The following LSM2 variants were observed in gnomAD, a reference collection of about 807,000 sequenced individuals.
LSM2 encodes U6 snRNA-associated Sm-like protein LSm2.
A neutral mutation model predicts 17.0 loss-of-function variants in LSM2; 12 were observed. The observed-to-expected ratio is 0.70, with a 90% CI of 0.45 to 1.14. LSM2 has a LOEUF of 1.14. Ranked by LOEUF, LSM2 falls within the 50% of genes most tolerant of loss-of-function variation. The probability of loss-of-function intolerance (pLI) is 0.00; values close to 1 mark genes in which losing one functional copy is unlikely to be tolerated. For missense variants in LSM2, 62 were observed against 111.8 expected, an observed-to-expected ratio of 0.55 and a Z score of 2.01; for synonymous variants, 42 against 44.5, an observed-to-expected ratio of 0.94 and a Z score of 0.22.
intron 2 of LSM2, among the ~76,000 whole-genome samples, chr6:31,803,198 TCAAC>T (rs1814819058): frequency 6.6e-6 from 1 of 152,140 alleles, no homozygotes. Context: ...CCCTGCCCTG[TCAAC>T]GTGTAACCCA....
Position 31,806,083 on chromosome 6 carries a change from A to G in LSM2, c.63T>C (p.Asn21=), listed in dbSNP as rs762260981. 3 of 1,612,934 alleles carry G rather than the reference A, an allele frequency of 1.9e-6. No homozygotes were observed. Among genetic ancestry groups the G allele is most frequent in the Non-Finnish European group, 2.5e-6 (3 of 1,179,896 alleles). ...TTGGAACAGGTACCTACCTCAGGTC[A>G]TTCTTTAGTTCCACGACCACATCCT... ...VGKDVVVELK[N]DLSICGTLHS... Residue 21 remains asparagine (N), a synonymous_variant, in exon 2 of 5, where the codon AAT becomes AAC. Transcript: ENST00000375661.
rs754562494 is a variant in LSM2, at chr6:31,806,787, C to T, written c.-30G>A. ...CTGGCGCCGCGGGCAGCGGGCCGGACCGGGAAGACAGCAGGGTGCTGCGAG... is the reference window on the plus strand; with the variant it reads ...CTGGCGCCGCGGGCAGCGGGCCGGATCGGGAAGACAGCAGGGTGCTGCGAG... On this transcript the variant is annotated 5_prime_UTR_variant, in exon 1 of 5. Coordinates refer to ENST00000375661, the MANE Select transcript of LSM2 (RefSeq NM_021177.5). 1.6e-5 allele frequency: 25 copies of T among 1,607,622 alleles called. No homozygotes were observed. Among genetic ancestry groups the T allele is most frequent in the Non-Finnish European group, 2.0e-5 (23 of 1,178,026 alleles).
chr6:31,800,346 A>T (rs1427239793), intron 2 of LSM2, among the ~76,000 whole-genome samples: 2 of 152,072 alleles, frequency 1.3e-5, no homozygotes, highest in Non-Finnish European at 2.9e-5. Context: ...AAGAAAAATA[A>T]ATAAATAAAA....
At chr6:31,798,359 A>C in intron 3 of LSM2, 118 bp downstream of exon 3, 13 of 1,252,042 alleles carry the variant, frequency 1.0e-5, no homozygotes, top group African/African-American at 1.5e-5. Flanking sequence ...GGCGTGAGCC[A>C]CCGTGCCTGG....
At chr6:31,801,624 A>C (rs931178515) in intron 2 of LSM2, among the ~76,000 whole-genome samples, 1 of 151,272 alleles carries the variant, frequency 6.6e-6, no homozygotes, top group Non-Finnish European at 1.5e-5. Flanking sequence ...GTGAAACCCC[A>C]TCCCTACTAA....
At chr6:31,802,422 C>A (rs1814768620) in intron 2 of LSM2, among the ~76,000 whole-genome samples, 1 of 151,204 alleles carries the variant, frequency 6.6e-6, no homozygotes, top group African/African-American at 2.4e-5. Flanking sequence ...TGGTGAAACC[C>A]CTTCTCTACT....
rs1814448716 is a variant in LSM2, at chr6:31,797,632, A to AC, written c.*124dup. On this transcript the variant is annotated 3_prime_UTR_variant, in exon 5 of 5. Transcript: ENST00000375661. ...CTCATCCACTCATCCCTTAAAAAAA[A>AC]CCCACAAAACCATCATTAGTAAAAA... is the stretch of plus-strand genomic sequence containing the variant. The AC allele has an allele frequency of 7.0e-7, 1 of 1,419,128 alleles. No individual in the cohort carries two copies. Among genetic ancestry groups the AC allele is most frequent in the South Asian group, 1.3e-5 (1 of 76,728 alleles). The allele number at this position is 1,419,128 out of a possible 1,614,324, so 87.9% of individuals were successfully genotyped here.
intron 2 of LSM2, among the ~76,000 whole-genome samples, chr6:31,804,763 C>CT (rs9279424): frequency 0.05 from 5,287 of 104,776 alleles, 137 homozygotes; most frequent in Middle Eastern, 0.066. Context: ...TCTTTTTTTT[C>CT]TTTTTTTTTT....
At chr6:31,806,176 G>C in intron 1 of LSM2, 34 bp from the exon 2 acceptor site, 1 of 1,597,192 alleles carries the variant, frequency 6.3e-7, no homozygotes, top group Non-Finnish European at 8.6e-7. Context: ...CATCATGTGG[G>C]AAGGAGCATG....
At position 31,797,638 on chromosome 6, in the gene LSM2, A is replaced by G. The variant is rs2151442129; in HGVS notation, c.*119T>C. ...CACTCATCCCTTAAAAAAAACCCAC[A>G]AAACCATCATTAGTAAAAAAACAAA... On this transcript the variant is annotated 3_prime_UTR_variant, in exon 5 of 5. Coordinates refer to ENST00000375661, the MANE Select transcript of LSM2 (RefSeq NM_021177.5). 1 of 1,481,632 alleles carries G rather than the reference A, an allele frequency of 6.7e-7. No homozygotes were observed. Among genetic ancestry groups the G allele is most frequent in the East Asian group, 2.3e-5 (1 of 44,102 alleles). 91.8% of individuals were successfully genotyped at this position (1,481,632 alleles called of 1,614,324 possible). A position where few individuals can be genotyped will look rare whatever the true frequency, so the allele number is the denominator to read the frequency against.
chr6:31,803,832 G>T (rs190645956), intron 2 of LSM2, among the ~76,000 whole-genome samples: 1 of 151,936 alleles, frequency 6.6e-6, no homozygotes, highest in Non-Finnish European at 1.5e-5. Context: ...CACCCGCCTC[G>T]ACTTCCCAAA....
At chr6:31,805,134 G>A (rs1814950112) in intron 2 of LSM2, among the ~76,000 whole-genome samples, 1 of 151,824 alleles carries the variant, frequency 6.6e-6, no homozygotes, top group Non-Finnish European at 1.5e-5. Context: ...ATACAATCAT[G>A]GCTCACTGCA....
intron 1 of LSM2, 99 bp from the exon 2 acceptor site, chr6:31,806,241 C>T: frequency 1.8e-6 from 2 of 1,087,830 alleles, no homozygotes; most frequent in Non-Finnish European, 2.7e-6. Context: ...GTGAACCCCA[C>T]TGCATCCCTG....
chr6:31,805,969 T>C (rs1815007606), intron 2 of LSM2, 106 bp downstream of exon 2: 2 of 973,616 alleles, frequency 2.1e-6, no homozygotes, highest in African/African-American at 1.6e-5. Context: ...TTATTTCTTC[T>C]GTACATCTTC....
chr6:31,804,100 C>T (rs565600876), intron 2 of LSM2, among the ~76,000 whole-genome samples: 14 of 152,040 alleles, frequency 9.2e-5, no homozygotes, highest in Non-Finnish European at 2.9e-5. Flanking sequence ...CAGTGGCTCA[C>T]GCCTGTAATC....
intron 2 of LSM2, among the ~76,000 whole-genome samples, chr6:31,800,121 G>C (rs184229371): frequency 6.6e-6 from 1 of 152,100 alleles, no homozygotes; most frequent in Non-Finnish European, 1.5e-5. Flanking sequence ...CGAATCACGA[G>C]GTCAGGAGTT....
chr6:31,806,852 C>A lies in LSM2; in HGVS notation c.-95G>T. 6.9e-7 allele frequency: 1 copy of A among 1,451,360 alleles called. No homozygotes were observed. Among genetic ancestry groups the A allele is most frequent in the Non-Finnish European group, 9.2e-7 (1 of 1,092,484 alleles). The allele number at this position is 1,451,360 out of a possible 1,614,324, so 89.9% of individuals were successfully genotyped here. On this transcript the variant is annotated 5_prime_UTR_variant, in exon 1 of 5. Transcript: ENST00000375661. ...CCGAAGCGCGAGCCCGCGCGTGGGG[C>A]GAGGCGGGACCGCGCAGGCGCAGCG...
Position 31,798,083 on chromosome 6 carries a change from TA to T in LSM2, c.103-35del, listed in dbSNP as rs201461388. 6,715 of 1,390,280 alleles carry T rather than the reference TA, an allele frequency of 4.8e-3. 7 individuals are homozygous for T. Among genetic ancestry groups the T allele is most frequent in the Admixed American group, 8.8e-3 (326 of 37,126 alleles). 86.1% of individuals were successfully genotyped at this position (1,390,280 alleles called of 1,614,324 possible). The stretch of plus-strand genomic sequence containing the variant: ...GGAAGATGAACACCATTATTATTAT[TA>T]TTTTTTTTTTTTTGAGACAAGAGTT... On this transcript the variant is annotated intron_variant, in intron 3 of 4. Coordinates refer to ENST00000375661, the MANE Select transcript of LSM2 (RefSeq NM_021177.5).
chr6:31,798,461 C>A lies in LSM2; in HGVS notation c.102+16G>T. On this transcript the variant is annotated intron_variant, in intron 3 of 4. Transcript: ENST00000375661. ...CTTCTCCAGGAACCAATTCTGGGGC[C>A]CGTGCTATATCTCACCTGATCCACA... 2.5e-6 allele frequency: 4 copies of A among 1,612,834 alleles called. No individual in the cohort carries two copies. In the South Asian group the frequency reaches 4.4e-5, roughly 18 times the overall value.
Sources: gnomAD v4.1 joint callset for allele counts (sites outside exome capture counted in the v4.1 genomes callset) on GRCh38, gnomAD v4.1.1 for gene constraint, MANE v1.5 for transcripts, NCBI Gene and HGNC (gene_info 2026-07-23, HGNC 2026-07-21) for gene names.